The following ARHGEF15 variants were observed in gnomAD, a reference collection of about 807,000 sequenced individuals.
The protein encoded by ARHGEF15 is Rho guanine nucleotide exchange factor 15, also known as Rho guanine nucleotide exchange factor (GEF) 15.
In ARHGEF15, 58 loss-of-function variants were observed where a neutral mutation model predicts 79.7. The ratio of observed to expected loss-of-function variants is 0.73; its 90% CI spans 0.59 to 0.91. The LOEUF (loss-of-function observed/expected upper bound fraction) is 0.91, where lower values mean the gene tolerates loss of function less well. ARHGEF15 is among the 40% of genes least tolerant of loss of function. The pLI is 0.00. For missense variants in ARHGEF15, 1,012 were observed against 1,108.1 expected (o/e 0.91, Z 1.23); for synonymous variants, 442 against 456.0 (o/e 0.97, Z 0.39).
rs745677322 is a variant in ARHGEF15, at chr17:8,315,412, A to G, written c.1261-2A>G. The G allele has an allele frequency of 1.2e-6, 2 of 1,613,438 alleles. No individual in the cohort carries two copies. Among genetic ancestry groups the G allele is most frequent in the Admixed American group, 1.7e-5 (1 of 59,988 alleles). Reference sequence around the variant, plus strand: ...CCCACGACTGCCTGCTTTTCTTTCTAGAGTCTTTTCGAGGTGGTGACGTCC... The same window carrying G: ...CCCACGACTGCCTGCTTTTCTTTCTGGAGTCTTTTCGAGGTGGTGACGTCC... On this transcript the variant is annotated splice_acceptor_variant, in intron 6 of 15. Coordinates refer to ENST00000361926, the MANE Select transcript of ARHGEF15 (RefSeq NM_173728.4). LOFTEE classifies it high-confidence loss of function. This position sits in a 1 kb window ranked among gnomAD's most constrained non-coding sequence, Gnocchi z 4.3.
chr17:8,318,273 TCTGTCAGC>T lies in ARHGEF15; in HGVS notation c.1705-111_1705-104del, dbSNP rs1905154688. The T allele has an allele frequency of 1.0e-6, 1 of 971,990 alleles. No homozygotes were observed. The highest frequency in any genetic ancestry group is 1.6e-6 in the Non-Finnish European group (1 of 637,678). The allele number at this position is 971,990 out of a possible 1,614,324, so 60.2% of individuals were successfully genotyped here. On this transcript the variant is annotated intron_variant, in intron 9 of 15. Coordinates refer to ENST00000361926, the MANE Select transcript of ARHGEF15 (RefSeq NM_173728.4). The surrounding 1 kb of genome is among the most constrained non-coding windows in gnomAD (Gnocchi z 5.0). ...GTTCTGCAGATGGTGAGTGATGAGG[TCTGTCAGC>T]CTTGTTGAAACTGGCTGAAACAGAC...
Position 8,319,091 on chromosome 17 carries a change from C to T in ARHGEF15, c.2118C>T (p.Thr706=). The stretch of plus-strand genomic sequence containing the variant: ...TTCCGGATCCATCTGGACCCCCTAC[C>T]TTCCGCCTCTCCCTTCTCAGCAACC... The part of the protein sequence containing the change: ...QQVPDPSGPP[T]FRLSLLSNHQ... The change falls in exon 13 of 16, where the codon ACC becomes ACT. Residue 706 remains threonine (T), a synonymous_variant. Coordinates refer to ENST00000361926, the MANE Select transcript of ARHGEF15 (RefSeq NM_173728.4). The T allele has an allele frequency of 6.2e-7, 1 of 1,614,038 alleles. No homozygotes were observed. The highest frequency in any genetic ancestry group is 8.5e-7 in the Non-Finnish European group (1 of 1,180,020).
Position 8,312,994 on chromosome 17 carries a change from G to A in ARHGEF15, c.674G>A (p.Trp225Ter), listed in dbSNP as rs867715249. The A allele has an allele frequency of 6.2e-7, 1 of 1,609,850 alleles. No homozygotes were observed. Among genetic ancestry groups the A allele is most frequent in the Non-Finnish European group, 8.5e-7 (1 of 1,177,626 alleles). ...HTTRPGLELR[W>*]VPVGGYEEVP... ...ACCCGGCCTGGCCTGGAGCTCAGATGGGTGCCTGTGGGGGGCTATGAGGAG... is the reference window on the plus strand; with the variant it reads ...ACCCGGCCTGGCCTGGAGCTCAGATAGGTGCCTGTGGGGGGCTATGAGGAG... Residue 225 changes from tryptophan (W) to a stop codon, truncating the protein, a stop_gained, in exon 3 of 16, where the codon TGG (tryptophan) becomes TAG (stop). Transcript: ENST00000361926. LOFTEE classifies it high-confidence loss of function.
chr17:8,319,424 A>G, intron 14 of ARHGEF15, 30 bp downstream of exon 14: 1 of 1,601,276 alleles, frequency 6.2e-7, no homozygotes, highest in Non-Finnish European at 8.5e-7. Context: ...GGATGAGGGA[A>G]GAAAAAGCGA....
intron 14 of ARHGEF15, 48 bp from the exon 15 acceptor site, chr17:8,319,451 G>C: frequency 6.3e-7 from 1 of 1,594,804 alleles, no homozygotes; most frequent in Middle Eastern, 1.7e-4. Flanking sequence ...GAGGAATATG[G>C]GGGAGAAGCT....
At chr17:8,313,431 G>T in intron 3 of ARHGEF15, 70 bp from the exon 4 acceptor site, 2 of 1,568,210 alleles carry the variant, frequency 1.3e-6, no homozygotes, top group Non-Finnish European at 1.7e-6. Context: ...CCCTGCTGGG[G>T]CTGGAGTCGG....
chr17:8,316,745 A>C (rs1905049797), intron 9 of ARHGEF15, among the ~76,000 whole-genome samples: 1 of 152,142 alleles, frequency 6.6e-6, no homozygotes, highest in South Asian at 2.1e-4. Flanking sequence ...CGGGGGAAAA[A>C]AAAGTTTGAG....
chr17:8,312,916 C>T lies in ARHGEF15; in HGVS notation c.602-6C>T. On this transcript the variant is annotated splice_region_variant and splice_polypyrimidine_tract_variant and intron_variant, in intron 2 of 15. Transcript: ENST00000361926. Reference sequence around the variant, plus strand: ...GCTTTCTCCTTAGGCTACCTGTCTCCCACAGATGCTGGCCTGGCCTGCCCT... The same window carrying T: ...GCTTTCTCCTTAGGCTACCTGTCTCTCACAGATGCTGGCCTGGCCTGCCCT... 6.4e-7 allele frequency: 1 copy of T among 1,569,536 alleles called. No individual in the cohort carries two copies. The highest frequency in any genetic ancestry group is 1.3e-5 in the African/African-American group (1 of 74,348).
intron 1 of ARHGEF15, among the ~76,000 whole-genome samples, chr17:8,311,354 A>C (rs955752105): frequency 9.2e-5 from 14 of 151,798 alleles, no homozygotes; most frequent in African/African-American, 3.1e-4. Flanking sequence ...CTGTGACCAG[A>C]CCCTAGGGCA....
chr17:8,319,853 C>T (rs62064284), intron 15 of ARHGEF15, among the ~76,000 whole-genome samples: 4,900 of 151,978 alleles, frequency 0.032, 109 homozygotes, highest in Non-Finnish European at 0.051. Context: ...CCAGGCTGGT[C>T]TCGAACTAAC....
At position 8,316,154 on chromosome 17, in the gene ARHGEF15, T is replaced by A. The variant is rs1905019952; in HGVS notation, c.1704+6T>A. On this transcript the variant is annotated splice_donor_region_variant and intron_variant, in intron 9 of 15. Transcript: ENST00000361926. ...GGCTGCGCATGCTGCTGCAGGTACC[T>A]GTCCCAGCTGCGGCCGTTTCTGCCC... 4 of 1,601,014 alleles carry A rather than the reference T, an allele frequency of 2.5e-6. No homozygotes were observed. The South Asian group carries it at 3.3e-5, about 13-fold the overall frequency.
chr17:8,313,684 G>A lies in ARHGEF15; in HGVS notation c.989+129G>A, dbSNP rs1904820980. ...TGAGGGGACAAGGGCCAGGGCTCTA[G>A]AGATAAGCAGCCCTTGTTTCGAATC... On this transcript the variant is annotated intron_variant, in intron 4 of 15. Coordinates refer to ENST00000361926, the MANE Select transcript of ARHGEF15 (RefSeq NM_173728.4). 10 of 912,984 alleles carry A rather than the reference G, an allele frequency of 1.1e-5. No individual in the cohort carries two copies. In the South Asian group the frequency reaches 1.5e-4, roughly 14 times the overall value. 56.6% of individuals were successfully genotyped at this position (912,984 alleles called of 1,614,324 possible).
rs766269509 is a variant in ARHGEF15 at position 8,315,953 on chromosome 17, C to T, written c.1574+46C>T. On this transcript the variant is annotated intron_variant, in intron 8 of 15. Transcript: ENST00000361926. This position sits in a 1 kb window ranked among gnomAD's most constrained non-coding sequence, Gnocchi z 4.3. ...GAGGAAGCTGGGGAGAGGGATGGGA[C>T]CGAGGCCACAGCAGGTTGGGGCACC... 5.0e-6 allele frequency: 8 copies of T among 1,601,402 alleles called. No homozygotes were observed. In the Admixed American group the frequency reaches 1.0e-4, roughly 20 times the overall value.
At position 8,315,183 on chromosome 17, in the gene ARHGEF15, C is replaced by T. The variant is rs1377059025; in HGVS notation, c.1166C>T (p.Pro389Leu). ...AGDAPTFPRP[P>L]GPRNTLWQEL... is the part of the protein sequence containing the mutation. ...GATGCACCCACCTTCCCACGACCCCCTGGACCTCGCAACACCCTGTGGCAG... is the reference window on the plus strand; with the variant it reads ...GATGCACCCACCTTCCCACGACCCCTTGGACCTCGCAACACCCTGTGGCAG... Residue 389 changes from proline (P) to leucine (L), a missense_variant, in exon 6 of 16, where the codon CCT becomes CTT. This residue lies in a region of ARHGEF15 where 818 missense variants were observed against 882.5 expected (regional missense o/e 0.93). Coordinates refer to ENST00000361926, the MANE Select transcript of ARHGEF15 (RefSeq NM_173728.4). The surrounding 1 kb of genome is among the most constrained non-coding windows in gnomAD (Gnocchi z 4.3). 3 of 1,613,934 alleles carry T rather than the reference C, an allele frequency of 1.9e-6. No homozygotes were observed. The Admixed American group carries it at 5.0e-5, about 27-fold the overall frequency.
At chr17:8,313,674 C>A in intron 4 of ARHGEF15, 119 bp downstream of exon 4, 1 of 1,068,026 alleles carries the variant, frequency 9.4e-7, no homozygotes, top group Non-Finnish European at 1.4e-6. Context: ...GGACAAGGGC[C>A]AGGGCTCTAG....
chr17:8,319,745 C>T (rs1219977886), intron 15 of ARHGEF15, 142 bp downstream of exon 15: 2 of 574,732 alleles, frequency 3.5e-6, no homozygotes, highest in East Asian at 6.8e-5. Flanking sequence ...AAGGGATTCT[C>T]CTGCCTCAAC....
Position 8,312,883 on chromosome 17 carries a change from C to T in ARHGEF15, c.602-39C>T. On this transcript the variant is annotated intron_variant, in intron 2 of 15. Coordinates refer to ENST00000361926, the MANE Select transcript of ARHGEF15 (RefSeq NM_173728.4). ...TGGTCTGGGCGGGGGTGGAGCTGGG[C>T]CCCAAGGGCTTTCTCCTTAGGCTAC... The T allele has an allele frequency of 1.9e-6, 3 of 1,563,464 alleles. No homozygotes were observed. In the East Asian group the frequency reaches 6.7e-5, roughly 35 times the overall value.
At chr17:8,313,435 G>A in intron 3 of ARHGEF15, 66 bp from the exon 4 acceptor site, 4 of 1,573,022 alleles carry the variant, frequency 2.5e-6, no homozygotes, top group African/African-American at 1.4e-5. Context: ...GCTGGGGCTG[G>A]AGTCGGGAGT....
Position 8,315,246 on chromosome 17 carries a change from C to A in ARHGEF15, c.1229C>A (p.Thr410Asn). The A allele has an allele frequency of 6.2e-7, 1 of 1,613,378 alleles. No individual in the cohort carries two copies. The highest frequency in any genetic ancestry group is 1.1e-5 in the South Asian group (1 of 91,078). Reference protein sequence around the residue: ...PAVQASGLLDTLSPQERRMQE... With the variant: ...PAVQASGLLDNLSPQERRMQE... ...GTGCAAGCCAGCGGTCTTCTGGATA[C>A]CCTCAGCCCCCAGGAGAGGCGCATG... is the stretch of plus-strand genomic sequence containing the variant. Residue 410 changes from threonine to asparagine, a missense_variant, in exon 6 of 16, where the codon ACC becomes AAC. Transcript: ENST00000361926. This position sits in a 1 kb window ranked among gnomAD's most constrained non-coding sequence, Gnocchi z 4.3.
Sources: allele counts gnomAD v4.1 joint callset (sites outside exome capture counted in the v4.1 genomes callset), GRCh38; gene constraint gnomAD v4.1.1; regional missense constraint gnomAD v4.1.1; non-coding constraint Gnocchi (gnomAD v3.1); transcripts MANE v1.5; gene names NCBI Gene and HGNC (gene_info 2026-07-23, HGNC 2026-07-21).